The following NRG3 variants were observed in gnomAD, a reference collection of about 807,000 sequenced individuals.
NRG3 encodes neuregulin 3.
NRG3 carries 31 observed loss-of-function variants against 66.9 expected under a neutral mutation model. That is an observed-to-expected ratio of 0.46 (90% CI 0.35 to 0.63). NRG3 has a LOEUF of 0.63. NRG3 is among the 20% of genes least tolerant of loss of function. The pLI is 0.00. For synonymous variants in NRG3, 393 were observed against 359.4 expected, an observed-to-expected ratio of 1.09 and a Z score of -1.06; for missense variants, 910 against 878.9, an observed-to-expected ratio of 1.04 and a Z score of -0.45.
intron 3 of NRG3, among the ~76,000 whole-genome samples, chr10:82,864,684 T>G (rs1840529993): frequency 6.6e-6 from 1 of 152,150 alleles, no homozygotes; most frequent in Non-Finnish European, 1.5e-5. Context: ...ATCAGGCAGA[T>G]GTTAGCTGGT....
intron 3 of NRG3, among the ~76,000 whole-genome samples, chr10:82,816,915 G>C (rs954955080): frequency 2.6e-5 from 4 of 152,232 alleles, no homozygotes; most frequent in East Asian, 1.9e-4. Flanking sequence ...GACCATGCCT[G>C]AGAGTGTTCC....
chr10:82,870,866 G>T (rs554117899), intron 4 of NRG3, among the ~76,000 whole-genome samples: 1 of 151,982 alleles, frequency 6.6e-6, no homozygotes, highest in Admixed American at 6.6e-5. Flanking sequence ...GTCATTCTGC[G>T]GCTTTTCCCT....
chr10:82,615,827 C>T (rs1443756714), intron 2 of NRG3, among the ~76,000 whole-genome samples: 1 of 152,120 alleles, frequency 6.6e-6, no homozygotes, highest in African/African-American at 2.4e-5. Flanking sequence ...GAAGGAGAGA[C>T]AGGTAAGACG....
intron 4 of NRG3, among the ~76,000 whole-genome samples, chr10:82,926,747 C>A (rs1333102911): frequency 6.6e-6 from 1 of 152,202 alleles, no homozygotes; most frequent in African/African-American, 2.4e-5. Flanking sequence ...AAGTTTCTAA[C>A]TTTGAGGCCT....
intron 2 of NRG3, among the ~76,000 whole-genome samples, chr10:82,587,997 A>G (rs557015380): frequency 6.6e-6 from 1 of 152,300 alleles, no homozygotes; most frequent in South Asian, 2.1e-4. Flanking sequence ...TATACATTTG[A>G]TAGTTCACTA....
intron 3 of NRG3, among the ~76,000 whole-genome samples, chr10:82,784,194 T>C (rs1189933355): frequency 2.6e-5 from 4 of 152,036 alleles, no homozygotes; most frequent in African/African-American, 7.2e-5. Context: ...TTACACCTTA[T>C]ACAAAAATGA....
intron 3 of NRG3, among the ~76,000 whole-genome samples, chr10:82,831,391 A>C (rs1195085200): frequency 6.6e-6 from 1 of 152,238 alleles, no homozygotes; most frequent in Non-Finnish European, 1.5e-5. Flanking sequence ...TGAACTGACT[A>C]TCCAGATCCA....
chr10:82,188,811 G>A (rs1250953781), intron 1 of NRG3, among the ~76,000 whole-genome samples: 1 of 152,038 alleles, frequency 6.6e-6, no homozygotes, highest in African/African-American at 2.4e-5. Context: ...GAGAGGTGAG[G>A]GTGGTTAATG....
intron 2 of NRG3, among the ~76,000 whole-genome samples, chr10:82,730,692 T>A (rs989359395): frequency 4.6e-5 from 7 of 152,234 alleles, no homozygotes; most frequent in African/African-American, 1.2e-4. Flanking sequence ...TGTTCTTTTT[T>A]AAATAAGAAT....
intron 2 of NRG3, among the ~76,000 whole-genome samples, chr10:82,621,725 A>T (rs1375077769): frequency 6.6e-6 from 1 of 152,218 alleles, no homozygotes; most frequent in African/African-American, 2.4e-5. Flanking sequence ...GACGGAATCA[A>T]AGCTTACTTA....
chr10:82,191,006 C>G (rs2074111178), intron 1 of NRG3, among the ~76,000 whole-genome samples: 1 of 152,098 alleles, frequency 6.6e-6, no homozygotes, highest in Non-Finnish European at 1.5e-5. Flanking sequence ...CAGGATCTCC[C>G]TGACGTGGCA....
At chr10:82,978,902 TG>T in intron 7 of NRG3, 47 bp from the exon 8 acceptor site, 1 of 1,586,444 alleles carries the variant, frequency 6.3e-7, no homozygotes, top group Non-Finnish European at 8.6e-7. Context: ...GTTATTGCTA[TG>T]ATGTCTTTTG....
chr10:82,845,494 C>T (rs866297909), intron 3 of NRG3, among the ~76,000 whole-genome samples: 2 of 150,502 alleles, frequency 1.3e-5, no homozygotes, highest in Admixed American at 6.6e-5. Context: ...TGTGCTTATA[C>T]GTGTAAGGCA....
chr10:82,108,520 G>A (rs1431029252), intron 1 of NRG3, among the ~76,000 whole-genome samples: 1 of 152,142 alleles, frequency 6.6e-6, no homozygotes, highest in Non-Finnish European at 1.5e-5. Flanking sequence ...CCTTAGCCAT[G>A]AAGCTTTGCT....
intron 1 of NRG3, among the ~76,000 whole-genome samples, chr10:82,298,523 G>T (rs2080208881): frequency 6.6e-6 from 1 of 151,832 alleles, no homozygotes; most frequent in Non-Finnish European, 1.5e-5. Context: ...TTTCTTCTCT[G>T]TACCTTTGGC....
At chr10:81,893,407 A>G (rs982274394) in intron 1 of NRG3, among the ~76,000 whole-genome samples, 20 of 152,272 alleles carry the variant, frequency 1.3e-4, no homozygotes, top group African/African-American at 4.6e-4. Flanking sequence ...TCATTATTAT[A>G]TAAAATTATG....
At chr10:82,390,034 A>C (rs906972407) in intron 2 of NRG3, among the ~76,000 whole-genome samples, 1 of 152,112 alleles carries the variant, frequency 6.6e-6, no homozygotes. Flanking sequence ...ACTTAACCAC[A>C]CTGGTGTTCA....
chr10:81,988,673 A>G (rs1395844042), intron 1 of NRG3, among the ~76,000 whole-genome samples: 1 of 152,128 alleles, frequency 6.6e-6, no homozygotes, highest in Non-Finnish European at 1.5e-5. Flanking sequence ...TGTGTATAGT[A>G]TTCGTGGTAG....
chr10:82,832,412 C>G (rs1048974693), intron 3 of NRG3, among the ~76,000 whole-genome samples: 2 of 152,166 alleles, frequency 1.3e-5, no homozygotes, highest in East Asian at 1.9e-4. Context: ...TGAAAATTCA[C>G]TGTCCTCTAG....
Sources: allele counts gnomAD v4.1 joint callset (sites outside exome capture counted in the v4.1 genomes callset), GRCh38; gene constraint gnomAD v4.1.1; transcripts MANE v1.5; gene names NCBI Gene and HGNC (gene_info 2026-07-23, HGNC 2026-07-21).